The following TSC22D1 variants were observed in gnomAD, a reference collection of about 807,000 sequenced individuals.
The protein encoded by TSC22D1 is TSC22 domain family member 1, also known as TSC22 domain family protein 1.
Under a neutral mutation model 74.2 loss-of-function variants are expected in TSC22D1, and 9 were observed. The ratio of observed to expected loss-of-function variants is 0.12; its 90% confidence interval spans 0.07 to 0.21. The LOEUF (loss-of-function observed/expected upper bound fraction) is 0.21. Among genes scored for constraint, TSC22D1 ranks in the 10% least tolerant of loss-of-function variants. The probability of loss-of-function intolerance (pLI) is 1.00; values close to 1 mark genes in which losing one functional copy is unlikely to be tolerated. For synonymous variants in TSC22D1, 586 were observed against 492.5 expected, an observed-to-expected ratio of 1.19 and a Z score of -2.51; for missense variants, 1,427 against 1,304.7, an observed-to-expected ratio of 1.09 and a Z score of -1.44.
intron 1 of TSC22D1, among the ~76,000 whole-genome samples, chr13:44,526,800 A>T (rs1011711791): frequency 6.6e-6 from 1 of 152,256 alleles, no homozygotes; most frequent in African/African-American, 2.4e-5. Flanking sequence ...AAAACTTTCC[A>T]ACATTTATGA....
intron 1 of TSC22D1, among the ~76,000 whole-genome samples, chr13:44,462,458 G>A (rs571023520): frequency 1.1e-4 from 16 of 152,274 alleles, no homozygotes; most frequent in South Asian, 6.2e-4. Context: ...ATAAGCCTCT[G>A]AGTCCTACTC....
intron 1 of TSC22D1, among the ~76,000 whole-genome samples, chr13:44,485,771 C>G (rs1204919369): frequency 1.3e-5 from 2 of 151,972 alleles, no homozygotes; most frequent in Non-Finnish European, 2.9e-5. Flanking sequence ...GTGGGCCAAT[C>G]TAAACAAACA....
At chr13:44,538,975 C>T in intron 1 of TSC22D1, 1 of 985,356 alleles carries the variant, frequency 1.0e-6, no homozygotes, top group South Asian at 4.7e-5. Flanking sequence ...AAAATGAAAA[C>T]TTGCCAAAGG....
chr13:44,534,501 A>G (rs903703048), intron 1 of TSC22D1, among the ~76,000 whole-genome samples: 2 of 151,968 alleles, frequency 1.3e-5, no homozygotes, highest in African/African-American at 4.8e-5. Context: ...TTCTAGGGGG[A>G]AAAGTCCTAA....
intron 1 of TSC22D1, among the ~76,000 whole-genome samples, chr13:44,485,671 CA>C (rs1015796660): frequency 6.6e-6 from 1 of 151,816 alleles, no homozygotes; most frequent in Admixed American, 6.6e-5. Context: ...AAGGAATTCA[CA>C]AAAAATATTA....
chr13:44,570,832 G>C (rs943018014), intron 1 of TSC22D1, among the ~76,000 whole-genome samples: 8 of 152,150 alleles, frequency 5.3e-5, no homozygotes, highest in African/African-American at 1.9e-4. Flanking sequence ...GGTTTTAAAA[G>C]TTTGTTTTTT....
intron 1 of TSC22D1, among the ~76,000 whole-genome samples, chr13:44,446,061 CA>C (rs1875607649): frequency 6.6e-6 from 1 of 152,054 alleles, no homozygotes; most frequent in Non-Finnish European, 1.5e-5. Context: ...CATGTTACCA[CA>C]AAAATTTGGA....
intron 1 of TSC22D1, among the ~76,000 whole-genome samples, chr13:44,530,787 AAAC>A (rs1880794412): frequency 6.6e-6 from 1 of 152,218 alleles, no homozygotes; most frequent in Non-Finnish European, 1.5e-5. Context: ...TTGCAAATTA[AAAC>A]AATGAGATAC....
At chr13:44,441,455 G>A (rs1875197945) in intron 1 of TSC22D1, among the ~76,000 whole-genome samples, 1 of 152,036 alleles carries the variant, frequency 6.6e-6, no homozygotes, top group African/African-American at 2.4e-5. Flanking sequence ...TTTTTTTGTG[G>A]ATTTACCTTT....
At chr13:44,551,805 T>C (rs1402599802) in intron 1 of TSC22D1, among the ~76,000 whole-genome samples, 1 of 151,856 alleles carries the variant, frequency 6.6e-6, no homozygotes, top group African/African-American at 2.4e-5. Flanking sequence ...GGAGACTGAG[T>C]TGGGAGGAAT....
intron 1 of TSC22D1, among the ~76,000 whole-genome samples, chr13:44,458,326 A>G (rs1876790023): frequency 6.6e-6 from 1 of 152,244 alleles, no homozygotes; most frequent in Non-Finnish European, 1.5e-5. Context: ...CTTTTTAAAG[A>G]GTCAGATTTT....
intron 1 of TSC22D1, among the ~76,000 whole-genome samples, chr13:44,517,864 T>A (rs1435968622): frequency 1.0e-4 from 10 of 95,380 alleles, no homozygotes; most frequent in South Asian, 3.8e-4. Context: ...TATATTTTTT[T>A]TTTTTTTTTT....
At chr13:44,503,191 T>G (rs1004320023) in intron 1 of TSC22D1, among the ~76,000 whole-genome samples, 1 of 152,214 alleles carries the variant, frequency 6.6e-6, no homozygotes, top group African/African-American at 2.4e-5. Context: ...AAACAAGATT[T>G]ACATAACATA....
chr13:44,468,350 C>A (rs1877413504), intron 1 of TSC22D1, among the ~76,000 whole-genome samples: 1 of 130,534 alleles, frequency 7.7e-6, no homozygotes, highest in Admixed American at 7.8e-5. Context: ...TAACCAAAAA[C>A]CACTTGTACC....
chr13:44,533,774 C>T (rs1467013963), intron 1 of TSC22D1, among the ~76,000 whole-genome samples: 1 of 152,106 alleles, frequency 6.6e-6, no homozygotes, highest in East Asian at 1.9e-4. Flanking sequence ...TAGAGCGAGA[C>T]TCTTGTCTCC....
intron 1 of TSC22D1, among the ~76,000 whole-genome samples, chr13:44,459,746 G>A (rs546823239): frequency 2.6e-5 from 4 of 152,328 alleles, no homozygotes; most frequent in Admixed American, 6.5e-5. Flanking sequence ...TGCCCACAGT[G>A]GAAGCCACTT....
chr13:44,574,791 C>T lies in TSC22D1; in HGVS notation c.1284G>A (p.Glu428=), dbSNP rs1884085503. The T allele has an allele frequency of 6.2e-7, 1 of 1,614,126 alleles. No homozygotes were observed. Among genetic ancestry groups the T allele is most frequent in the Non-Finnish European group, 8.5e-7 (1 of 1,180,032 alleles). Reference sequence around the variant, plus strand: ...GTACAGCATTTTCTTTTTCATAGAACTCAGTGCAAGTCCATCTACCTTTTT... The same window carrying T: ...GTACAGCATTTTCTTTTTCATAGAATTCAGTGCAAGTCCATCTACCTTTTT... ...PFKKGRWTCT[E]FYEKENAVPA... Residue 428 remains glutamate (E), a synonymous_variant, in exon 1 of 3, where the codon GAG becomes GAA. Transcript: ENST00000458659.
intron 1 of TSC22D1, among the ~76,000 whole-genome samples, chr13:44,464,824 G>C (rs1306722868): frequency 6.6e-6 from 1 of 152,180 alleles, no homozygotes; most frequent in Non-Finnish European, 1.5e-5. Context: ...CCTGACTCTT[G>C]TACCCAACCT....
At chr13:44,466,401 G>C (rs1877286658) in intron 1 of TSC22D1, among the ~76,000 whole-genome samples, 1 of 152,230 alleles carries the variant, frequency 6.6e-6, no homozygotes, top group South Asian at 2.1e-4. Context: ...CTATTATATG[G>C]AGGTAGATAA....
Sources: gnomAD v4.1 joint callset for allele counts (sites outside exome capture counted in the v4.1 genomes callset) on GRCh38, gnomAD v4.1.1 for gene constraint, MANE v1.5 for transcripts, NCBI Gene and HGNC (gene_info 2026-07-23, HGNC 2026-07-21) for gene names.